IDUA: variants seen among roughly 807,000 people sequenced by gnomAD.
IDUA encodes alpha-L-iduronidase.
IDUA carries 65 observed loss-of-function variants against 68.9 expected under a neutral mutation model. That is an observed-to-expected ratio of 0.94 (90% CI 0.77 to 1.16). The LOEUF is 1.16. Among genes scored for constraint, IDUA ranks in the 50% most tolerant of loss-of-function variants. The probability of loss-of-function intolerance (pLI) is 0.00; values close to 1 mark genes in which losing one functional copy is unlikely to be tolerated. For missense variants in IDUA, 1,046 were observed against 938.0 expected (o/e 1.12, Z -1.50); for synonymous variants, 529 against 433.6 (o/e 1.22, Z -2.73).
intron 2 of IDUA, chr4:990,580 C>T: frequency 1.7e-6 from 1 of 588,560 alleles, no homozygotes. Context: ...ACGTGAGCAT[C>T]ACACGTGCAC....
chr4:1,002,082 A>G lies in IDUA; in HGVS notation c.893A>G (p.Asp298Gly). The change falls in exon 7 of 14, where the codon GAC becomes GGC. Residue 298 changes from aspartate (D) to glycine (G), a missense_variant. Transcript: ENST00000514224. ...PKFADTPIYN[D>G]EADPLVGWSL... ...TTCGCGGACACCCCCATTTACAACG[A>G]CGAGGCGGACCCGCTGGTGGGCTGG... is the stretch of plus-strand genomic sequence containing the variant. 3 of 1,582,816 alleles carry G rather than the reference A, an allele frequency of 1.9e-6. No homozygotes were observed. The highest frequency in any genetic ancestry group is 2.6e-6 in the Non-Finnish European group (3 of 1,165,826).
intron 2 of IDUA, chr4:989,885 C>G (rs753797505): frequency 3.2e-6 from 5 of 1,569,738 alleles, no homozygotes; most frequent in Non-Finnish European, 4.3e-6. Context: ...AAGGCGGCAG[C>G]CACGAGGGCC....
intron 2 of IDUA, 119 bp downstream of exon 2, chr4:988,068 G>A (rs993885725): frequency 4.1e-6 from 6 of 1,465,234 alleles, no homozygotes; most frequent in Non-Finnish European, 5.4e-6. Flanking sequence ...GAAGCACCCT[G>A]TTGGGGAGAG....
At chr4:987,330 C>T (rs1713811417) in intron 1 of IDUA, 88 bp downstream of exon 1, 16 of 1,254,378 alleles carry the variant, frequency 1.3e-5, no homozygotes, top group Non-Finnish European at 1.8e-5. Flanking sequence ...GCTTCAGAGA[C>T]CGGAGCTCCC....
rs1464048268 is a variant in IDUA, at chr4:1,002,792, C to G, written c.1250C>G (p.Thr417Arg). 14 of 1,468,292 alleles carry G rather than the reference C, an allele frequency of 9.5e-6. No individual in the cohort carries two copies. The highest frequency in any genetic ancestry group is 7.1e-5 in the Admixed American group (3 of 42,066). 91.0% of individuals were successfully genotyped at this position (1,468,292 alleles called of 1,614,324 possible). A position where few individuals can be genotyped will look rare whatever the true frequency, so the allele number is the denominator to read the frequency against. Residue 417 changes from threonine to arginine, a missense_variant, in exon 9 of 14, where the codon ACG (threonine) becomes AGG (arginine). Transcript: ENST00000514224. Reference protein sequence around the residue: ...QAGTVLDSNHTVGVLASAHRP... With the variant: ...QAGTVLDSNHRVGVLASAHRP... ...GGGACCGTCCTGGACAGCAACCACACGGTGGGCGTCCTGGCCAGCGCCCAC... is the reference window on the plus strand; with the variant it reads ...GGGACCGTCCTGGACAGCAACCACAGGGTGGGCGTCCTGGCCAGCGCCCAC...
chr4:1,000,753 C>T (rs936425633), intron 3 of IDUA, 56 bp downstream of exon 3: 2 of 1,491,934 alleles, frequency 1.3e-6, no homozygotes, highest in Non-Finnish European at 1.9e-6. Flanking sequence ...CCTGCCCACC[C>T]TCTCCCTCAC....
At chr4:991,132 T>A in intron 2 of IDUA, 1 of 1,538,324 alleles carries the variant, frequency 6.5e-7, no homozygotes, top group Non-Finnish European at 8.8e-7. Flanking sequence ...CCTCACCTGG[T>A]AAAGCCCGGT....
Position 1,002,163 on chromosome 4 carries a change from T to C in IDUA, c.972+2T>C. On this transcript the variant is annotated splice_donor_variant, in intron 7 of 13. Transcript: ENST00000514224. LOFTEE classifies it high-confidence loss of function. ...ACCTACGCGGCCATGGTGGTGAAGGTGGGCCGGCCCAACGCCCTGCGCGCC... is the reference window on the plus strand; with the variant it reads ...ACCTACGCGGCCATGGTGGTGAAGGCGGGCCGGCCCAACGCCCTGCGCGCC... The C allele has an allele frequency of 6.4e-7, 1 of 1,556,180 alleles. No homozygotes were observed. The highest frequency in any genetic ancestry group is 8.7e-7 in the Non-Finnish European group (1 of 1,150,268).
At position 1,000,868 on chromosome 4, in the gene IDUA, C is replaced by T. The variant is rs754798018; in HGVS notation, c.386-14C>T. 6 of 1,607,374 alleles carry T rather than the reference C, an allele frequency of 3.7e-6. No individual in the cohort carries two copies. The highest frequency in any genetic ancestry group is 5.1e-6 in the Non-Finnish European group (6 of 1,174,560). ...GTGTGTGGTGGGCGGTGGGGCAGCC[C>T]TCCTGTGTTCCAGGGTTTGAGCTGA... On this transcript the variant is annotated splice_polypyrimidine_tract_variant and intron_variant, in intron 3 of 13. Coordinates refer to ENST00000514224, the MANE Select transcript of IDUA (RefSeq NM_000203.5).
At chr4:991,478 C>G (rs387907482) in intron 2 of IDUA, 12 of 1,611,512 alleles carry the variant, frequency 7.4e-6, no homozygotes, top group East Asian at 2.2e-5. Context: ...ATGACCAGCC[C>G]AGACATGACG....
At position 1,002,749 on chromosome 4, in the gene IDUA, G is replaced by A. The variant is rs1715176840; in HGVS notation, c.1207G>A (p.Ala403Thr). 3.4e-6 allele frequency: 5 copies of A among 1,487,178 alleles called. No individual in the cohort carries two copies. Among genetic ancestry groups the A allele is most frequent in the South Asian group, 2.5e-5 (2 of 78,536 alleles). The allele number at this position is 1,487,178 out of a possible 1,614,324, so 92.1% of individuals were successfully genotyped here. A position where few individuals can be genotyped will look rare whatever the true frequency, so the allele number is the denominator to read the frequency against. ...CCCCGCAGATGAGGAGCAGCTCTGG[G>A]CCGAAGTGTCGCAGGCCGGGACCGT... The part of the protein sequence containing the change: ...LALLDEEQLW[A>T]EVSQAGTVLD... The change falls in exon 9 of 14, where the codon GCC becomes ACC. Residue 403 changes from alanine to threonine, a missense_variant. By Grantham distance (58) the Ala-to-Thr change is moderately conservative (BLOSUM62 0). Transcript: ENST00000514224.
intron 2 of IDUA, among the ~76,000 whole-genome samples, chr4:1,000,330 C>G (rs1714996951): frequency 6.6e-6 from 1 of 152,270 alleles, no homozygotes. Context: ...CGCGACTGGC[C>G]TGCCTCGTGC....
rs1026166254 is a variant in IDUA at position 1,002,721 on chromosome 4, C to T, written c.1190-11C>T. ...GACCCCACGCGGCGACGGCCCCCCCCCGCCCCGCAGATGAGGAGCAGCTCT... is the reference window on the plus strand; with the variant it reads ...GACCCCACGCGGCGACGGCCCCCCCTCGCCCCGCAGATGAGGAGCAGCTCT... On this transcript the variant is annotated splice_polypyrimidine_tract_variant and intron_variant, in intron 8 of 13. Transcript: ENST00000514224. The T allele has an allele frequency of 5.5e-6, 8 of 1,465,230 alleles. No homozygotes were observed. In the Admixed American group the frequency reaches 6.6e-5, roughly 12 times the overall value. 90.8% of individuals were successfully genotyped at this position (1,465,230 alleles called of 1,614,324 possible). A position where few individuals can be genotyped will look rare whatever the true frequency, so the allele number is the denominator to read the frequency against.
At chr4:997,146 G>A (rs1246921918) in intron 2 of IDUA, among the ~76,000 whole-genome samples, 1 of 152,150 alleles carries the variant, frequency 6.6e-6, no homozygotes, top group African/African-American at 2.4e-5. Flanking sequence ...GACCGGACCC[G>A]AGTTTATTCC....
At chr4:996,408 G>A (rs1386556288) in intron 2 of IDUA, among the ~76,000 whole-genome samples, 2 of 152,312 alleles carry the variant, frequency 1.3e-5, no homozygotes, top group East Asian at 3.9e-4. Flanking sequence ...GGGGCACCTG[G>A]TGCAGACGCC....
chr4:989,870 T>C, intron 2 of IDUA: 1 of 1,575,392 alleles, frequency 6.3e-7, no homozygotes, highest in South Asian at 1.2e-5. Flanking sequence ...GCCAGCGAGA[T>C]GGAGAAGGCG....
intron 2 of IDUA, among the ~76,000 whole-genome samples, chr4:998,781 C>T (rs573260071): frequency 4.0e-4 from 56 of 140,528 alleles, no homozygotes; most frequent in South Asian, 9.6e-4. Flanking sequence ...TACGACCCCC[C>T]GACCCCCCAC....
chr4:990,615 C>G (rs1714213393), intron 2 of IDUA: 1 of 538,652 alleles, frequency 1.9e-6, no homozygotes, highest in South Asian at 2.5e-5. Context: ...ACACGTCTAA[C>G]CCTTGTCACG....
rs373582197 is a variant in IDUA at position 991,186 on chromosome 4, C to T, written c.299+3237C>T. ...GGCGACACGGATGGCGTAGCAGTCA[C>T]GCCCGCAGTCCAGCATGGCAGCCGA... On this transcript the variant is annotated intron_variant, in intron 2 of 13. Coordinates refer to ENST00000514224, the MANE Select transcript of IDUA (RefSeq NM_000203.5). 80 of 1,589,164 alleles carry T rather than the reference C, an allele frequency of 5.0e-5. 1 individual carries two copies. In the South Asian group the frequency reaches 6.1e-4, roughly 12 times the overall value.
Sources: allele counts gnomAD v4.1 joint callset (sites outside exome capture counted in the v4.1 genomes callset), GRCh38; gene constraint gnomAD v4.1.1; transcripts MANE v1.5; gene names NCBI Gene and HGNC (gene_info 2026-07-23, HGNC 2026-07-21).